RHOT1: variants seen among roughly 807,000 people sequenced by gnomAD.
The protein encoded by RHOT1 is ras homolog family member T1.
A neutral mutation model predicts 95.3 loss-of-function variants in RHOT1; 27 were observed. The observed-to-expected ratio is 0.28, with a 90% CI of 0.21 to 0.39. The LOEUF (loss-of-function observed/expected upper bound fraction) is 0.39. Among genes scored for constraint, RHOT1 ranks in the 10% least tolerant of loss-of-function variants. The probability of loss-of-function intolerance (pLI) is 1.00; values close to 1 mark genes in which losing one functional copy is unlikely to be tolerated. For synonymous variants in RHOT1, 227 were observed against 263.5 expected, an observed-to-expected ratio of 0.86 and a Z score of 1.34; for missense variants, 578 against 786.7, an observed-to-expected ratio of 0.73 and a Z score of 3.17.
At position 32,199,519 on chromosome 17, in the gene RHOT1, A is replaced by T; in HGVS notation, c.1069A>T (p.Ile357Leu). Residue 357 changes from isoleucine to leucine, a missense_variant, in exon 13 of 20, where the codon ATA becomes TTA. Ile to Leu is a conservative substitution (Grantham distance 5, BLOSUM62 2). This residue lies in a region of RHOT1 where 227 missense variants were observed against 316.0 expected (regional missense o/e 0.72). Transcript: ENST00000545287. ...NTVCTNERGW[I>L]TYQGFLSQWT... ...AGTTTGTACCAATGAAAGAGGCTGGATAACCTACCAGGGATTCCTTTCCCA... is the reference window on the plus strand; with the variant it reads ...AGTTTGTACCAATGAAAGAGGCTGGTTAACCTACCAGGGATTCCTTTCCCA... 1 of 1,612,266 alleles carries T rather than the reference A, an allele frequency of 6.2e-7. No homozygotes were observed. Among genetic ancestry groups the T allele is most frequent in the Non-Finnish European group, 8.5e-7 (1 of 1,179,634 alleles).
chr17:32,201,379 T>G (rs933775134), intron 14 of RHOT1, among the ~76,000 whole-genome samples: 12 of 152,242 alleles, frequency 7.9e-5, no homozygotes, highest in African/African-American at 2.7e-4. Flanking sequence ...ATAATGCGTA[T>G]TAACTGTTTT....
At chr17:32,206,190 A>ATTT (rs2037710072) in intron 16 of RHOT1, among the ~76,000 whole-genome samples, 1 of 122,506 alleles carries the variant, frequency 8.2e-6, no homozygotes, top group Non-Finnish European at 1.7e-5. Context: ...CTTCCATAGA[A>ATTT]TCTTTTTTTT....
chr17:32,149,810 A>G (rs1165998958), intron 1 of RHOT1, among the ~76,000 whole-genome samples: 2 of 151,598 alleles, frequency 1.3e-5, no homozygotes, highest in African/African-American at 4.8e-5. Flanking sequence ...GTGCAGTGGC[A>G]TGATCTCGGC....
chr17:32,201,417 TGTAAGCCAGGCATTCTTGCCAAGCAA>T (rs1236278856), intron 14 of RHOT1, among the ~76,000 whole-genome samples: 1 of 152,230 alleles, frequency 6.6e-6, no homozygotes, highest in South Asian at 2.1e-4. Context: ...TCACAAATCT[TGTAAGCCAGGCATTCTTGCCAAGCAA>T]TGTGCACCAC....
At chr17:32,223,403 G>A (rs1222036470) in intron 19 of RHOT1, among the ~76,000 whole-genome samples, 2 of 148,252 alleles carry the variant, frequency 1.3e-5, no homozygotes, top group African/African-American at 4.9e-5. Context: ...AATTTTGTAA[G>A]TTTTCTTTTC....
At chr17:32,204,771 T>C (rs1375184205) in intron 16 of RHOT1, among the ~76,000 whole-genome samples, 2 of 151,992 alleles carry the variant, frequency 1.3e-5, no homozygotes, top group African/African-American at 4.8e-5. Flanking sequence ...GTGGATCACC[T>C]GAGGTCAGGA....
chr17:32,150,749 A>G (rs1952781092), intron 1 of RHOT1: 17 of 1,598,136 alleles, frequency 1.1e-5, no homozygotes, highest in Non-Finnish European at 1.5e-5. Flanking sequence ...AGCCTCTCCC[A>G]CTGAGTATCT....
At position 32,148,385 on chromosome 17, in the gene RHOT1, A is replaced by G. The variant is rs188811656; in HGVS notation, c.37+5656A>G. On this transcript the variant is annotated intron_variant, in intron 1 of 19. Coordinates refer to ENST00000545287, the MANE Select transcript of RHOT1 (RefSeq NM_001033566.3). ...TCAAACATCCCTGGCCATAGAGTCC[A>G]TTCTGCATAAAGAGTCTATTCTGTT... Among the ~76,000 whole-genome samples, 232 of 152,380 alleles carry G rather than the reference A, an allele frequency of 1.5e-3. 1 individual carries two copies. The highest frequency in any genetic ancestry group is 5.3e-3 in the African/African-American group (220 of 41,606).
At chr17:32,211,068 T>C (rs775103959) in intron 18 of RHOT1, 48 bp from the exon 19 acceptor site, 53 of 1,555,928 alleles carry the variant, frequency 3.4e-5, no homozygotes, top group South Asian at 2.0e-4. Flanking sequence ...ACTTGTGCCA[T>C]ATTTGTAAGT....
chr17:32,180,724 A>G (rs2035569591), intron 6 of RHOT1, among the ~76,000 whole-genome samples: 3 of 147,128 alleles, frequency 2.0e-5, no homozygotes, highest in South Asian at 2.2e-4. Context: ...AAAAGAGGGC[A>G]GTTTTGCTAA....
At chr17:32,180,540 G>C (rs2035541756) in intron 6 of RHOT1, among the ~76,000 whole-genome samples, 2 of 150,772 alleles carry the variant, frequency 1.3e-5, no homozygotes, top group Non-Finnish European at 2.9e-5. Context: ...AGAGACCTTT[G>C]TTCACATGTT....
At chr17:32,188,387 A>G (rs1465022839) in intron 8 of RHOT1, among the ~76,000 whole-genome samples, 18 of 152,244 alleles carry the variant, frequency 1.2e-4, no homozygotes, top group Non-Finnish European at 2.9e-5. Flanking sequence ...TCTGCAGTGT[A>G]ATGACATGCT....
At chr17:32,194,327 A>G (rs1306300308) in intron 11 of RHOT1, among the ~76,000 whole-genome samples, 1 of 152,218 alleles carries the variant, frequency 6.6e-6, no homozygotes, top group Non-Finnish European at 1.5e-5. Context: ...TTTAGCACAC[A>G]TGGGGAGGTG....
At chr17:32,162,576 G>C (rs1165620643) in intron 1 of RHOT1, among the ~76,000 whole-genome samples, 1 of 152,206 alleles carries the variant, frequency 6.6e-6, no homozygotes, top group African/African-American at 2.4e-5. Flanking sequence ...AGTTTCGTTA[G>C]TGGTGATGTC....
intron 19 of RHOT1, among the ~76,000 whole-genome samples, chr17:32,218,925 T>C (rs535893443): frequency 1.3e-5 from 2 of 152,350 alleles, no homozygotes; most frequent in Middle Eastern, 3.4e-3. Context: ...ATATGGTATC[T>C]CTGTGCCCTG....
At chr17:32,153,471 G>C (rs112485020) in intron 1 of RHOT1, among the ~76,000 whole-genome samples, 1,676 of 152,254 alleles carry the variant, frequency 0.011, 30 homozygotes, top group African/African-American at 0.038. Context: ...CCAGTCTGGG[G>C]AACATAATGA....
intron 1 of RHOT1, among the ~76,000 whole-genome samples, chr17:32,166,836 A>G (rs2034128553): frequency 2.0e-5 from 3 of 152,158 alleles, no homozygotes; most frequent in Admixed American, 2.0e-4. Context: ...AATCCCTCAA[A>G]GTCATGTGAG....
At chr17:32,148,095 C>G (rs904613459) in intron 1 of RHOT1, among the ~76,000 whole-genome samples, 5 of 152,098 alleles carry the variant, frequency 3.3e-5, no homozygotes, top group Non-Finnish European at 5.9e-5. Context: ...GAAACCTCGT[C>G]TCTACTAAAA....
Position 32,207,046 on chromosome 17 carries a change from G to C in RHOT1, c.1536+17G>C. Reference sequence around the variant, plus strand: ...ATTTTTAAGGTTTGTTGCTCCTACAGACTATGACTGAATGTAACTTCATAT... The same window carrying C: ...ATTTTTAAGGTTTGTTGCTCCTACACACTATGACTGAATGTAACTTCATAT... On this transcript the variant is annotated intron_variant, in intron 17 of 19. Transcript: ENST00000545287. 6.3e-7 allele frequency: 1 copy of C among 1,590,700 alleles called. No individual in the cohort carries two copies. The highest frequency in any genetic ancestry group is 1.2e-5 in the South Asian group (1 of 86,170).
Sources: gnomAD v4.1 joint callset for allele counts (sites outside exome capture counted in the v4.1 genomes callset) on GRCh38, gnomAD v4.1.1 for gene constraint, gnomAD v4.1.1 regional missense constraint, MANE v1.5 for transcripts, NCBI Gene and HGNC (gene_info 2026-07-23, HGNC 2026-07-21) for gene names.